WDTC1: variants seen among roughly 807,000 people sequenced by gnomAD.
WDTC1 encodes the protein WD and tetratricopeptide repeats protein 1.
In WDTC1, 12 loss-of-function variants were observed where a neutral mutation model predicts 76.0. The observed-to-expected ratio is 0.16, with a 90% CI of 0.10 to 0.26. WDTC1 has a LOEUF of 0.26. Among genes scored for constraint, WDTC1 ranks in the 10% least tolerant of loss-of-function variants. The probability of loss-of-function intolerance (pLI) is 1.00; values close to 1 mark genes in which losing one functional copy is unlikely to be tolerated. For missense variants in WDTC1, 511 were observed against 908.8 expected (o/e 0.56, Z 5.63); for synonymous variants, 326 against 350.8 (o/e 0.93, Z 0.79).
intron 1 of WDTC1, among the ~76,000 whole-genome samples, chr1:27,256,893 ACT>A (rs1320007699): frequency 6.6e-6 from 1 of 151,984 alleles, no homozygotes; most frequent in Admixed American, 6.6e-5. Context: ...ATGGAGTCTC[ACT>A]CTGTTGCCCA....
In WDTC1 at chr1:27,308,088, T is replaced by TCCTGCTTCCCACCCCCTGC. The variant is rs2014000813; in HGVS notation, c.*1707_*1725dup. On this transcript the variant is annotated 3_prime_UTR_variant, in exon 16 of 16. Coordinates refer to ENST00000319394, the MANE Select transcript of WDTC1 (RefSeq NM_001276252.2). ...TCCCACCCTCCCTCCCTGCCCCCTG[T>TCCTGCTTCCCACCCCCTGC]CCTGCTTCCCACCCCCTGCCTGCCC... 1.4e-5 allele frequency: 2 copies of TCCTGCTTCCCACCCCCTGC among 145,960 alleles called. No homozygotes were observed. The highest frequency in any genetic ancestry group is 1.5e-5 in the Non-Finnish European group (1 of 65,960). 9.0% of individuals were successfully genotyped at this position (145,960 alleles called of 1,614,324 possible). A position where few individuals can be genotyped will look rare whatever the true frequency, so the allele number is the denominator to read the frequency against.
intron 1 of WDTC1, among the ~76,000 whole-genome samples, chr1:27,247,203 C>G (rs541566033): frequency 1.5e-4 from 23 of 151,634 alleles, no homozygotes; most frequent in African/African-American, 3.4e-4. Flanking sequence ...ATTACAGGTG[C>G]CTGCCACCAC....
chr1:27,286,531 G>A (rs1412204741), intron 5 of WDTC1, among the ~76,000 whole-genome samples: 7 of 145,084 alleles, frequency 4.8e-5, no homozygotes, highest in East Asian at 2.1e-4. Context: ...GTGCAGTGGC[G>A]TGATCTCAGC....
At chr1:27,248,841 A>G (rs962781741) in intron 1 of WDTC1, among the ~76,000 whole-genome samples, 2 of 151,824 alleles carry the variant, frequency 1.3e-5, no homozygotes, top group Non-Finnish European at 2.9e-5. Context: ...AACTTTTTTT[A>G]GAGACAGGGT....
intron 3 of WDTC1, among the ~76,000 whole-genome samples, chr1:27,277,522 CTT>C (rs1372089789): frequency 6.6e-6 from 1 of 151,932 alleles, no homozygotes; most frequent in East Asian, 1.9e-4. Flanking sequence ...GTCTCAAACT[CTT>C]AGTCTCAAGT....
intron 6 of WDTC1, 81 bp downstream of exon 6, chr1:27,287,942 CT>C: frequency 6.7e-7 from 1 of 1,497,142 alleles, no homozygotes; most frequent in Non-Finnish European, 9.0e-7. Context: ...AGACCTAGCT[CT>C]TTCCCTCCAG....
rs1265011107 is a variant in WDTC1 at position 27,283,372 on chromosome 1, A to G, written c.214A>G (p.Ile72Val). ...LASGSDDQHT[I>V]VWDPLHHKKL... ...CTCTGGTTCCGATGACCAGCACACG[A>G]TTGTGTGGGACCCGCTGCACCACAA... is the stretch of plus-strand genomic sequence containing the variant. Residue 72 changes from isoleucine (I) to valine (V), a missense_variant, in exon 5 of 16, where the codon ATT (isoleucine) becomes GTT (valine). Physicochemically the swap from Ile to Val is conservative, Grantham distance 29. Transcript: ENST00000319394. 2 of 1,613,766 alleles carry G rather than the reference A, an allele frequency of 1.2e-6. No homozygotes were observed. The highest frequency in any genetic ancestry group is 1.7e-6 in the Non-Finnish European group (2 of 1,179,996).
At chr1:27,247,907 G>A (rs944939471) in intron 1 of WDTC1, among the ~76,000 whole-genome samples, 12 of 152,070 alleles carry the variant, frequency 7.9e-5, no homozygotes, top group African/African-American at 2.7e-4. Context: ...TAGTAGAGAC[G>A]GGGTTTCTCC....
chr1:27,289,350 C>T lies in WDTC1; in HGVS notation c.479+1489C>T, dbSNP rs547465633. 4.7e-5 allele frequency among the ~76,000 whole-genome samples: 7 copies of T among 147,586 alleles called. No individual in the cohort carries two copies. The South Asian group carries it at 8.7e-4, about 18-fold the overall frequency. On this transcript the variant is annotated intron_variant, in intron 6 of 15. Coordinates refer to ENST00000319394, the MANE Select transcript of WDTC1 (RefSeq NM_001276252.2). ...GGGTCTCCTCACTTCTCAGACGGGG[C>T]GGCTGGGCAGAGACGCTCTTCACCT...
In WDTC1 at chr1:27,284,511, G is replaced by A. The variant is rs186837028; in HGVS notation, c.291+1062G>A. Among the ~76,000 whole-genome samples, 107 of 152,118 alleles carry A rather than the reference G, an allele frequency of 7.0e-4. 1 individual carries two copies. The highest frequency in any genetic ancestry group is 2.4e-3 in the African/African-American group (98 of 41,494). On this transcript the variant is annotated intron_variant, in intron 5 of 15. Coordinates refer to ENST00000319394, the MANE Select transcript of WDTC1 (RefSeq NM_001276252.2). ...TTTTTCTTCTCAAGCTATGATTCTC[G>A]CCTTTAGAGACAGAACAATGATGAT...
At position 27,241,173 on chromosome 1, in the gene WDTC1, G is replaced by A. The variant is rs1570934076; in HGVS notation, c.-100+6222G>A. 2.0e-5 allele frequency among the ~76,000 whole-genome samples: 3 copies of A among 152,200 alleles called. 1 individual carries two copies. The South Asian group carries it at 6.2e-4, about 32-fold the overall frequency. On this transcript the variant is annotated intron_variant, in intron 1 of 15. Transcript: ENST00000319394. ...ATACAAGGTCACAACTGCTAGAGCT[G>A]TAACAGAGCTCAGTGCCAAGAATAA...
At chr1:27,240,986 A>T (rs2011615069) in intron 1 of WDTC1, among the ~76,000 whole-genome samples, 1 of 151,524 alleles carries the variant, frequency 6.6e-6, no homozygotes, top group Non-Finnish European at 1.5e-5. Flanking sequence ...AAAAAAAAAC[A>T]AAAAAACTTT....
chr1:27,284,101 T>A (rs1205768996), intron 5 of WDTC1, among the ~76,000 whole-genome samples: 1 of 152,068 alleles, frequency 6.6e-6, no homozygotes, highest in Admixed American at 6.6e-5. Flanking sequence ...ATGAGACATG[T>A]TTTTTTGTTG....
chr1:27,277,224 C>T (rs1007507901), intron 3 of WDTC1, among the ~76,000 whole-genome samples: 1 of 151,924 alleles, frequency 6.6e-6, no homozygotes, highest in Non-Finnish European at 1.5e-5. Flanking sequence ...GTTGCTGGTG[C>T]TTTTGGTGTT....
chr1:27,253,411 T>TCCCCTCCTCCTCCTCCCTCCTC (rs1267912526), intron 1 of WDTC1, among the ~76,000 whole-genome samples: 1 of 40,092 alleles, frequency 2.5e-5, no homozygotes, highest in East Asian at 1.1e-3. Flanking sequence ...CCCCCTCCCC[T>TCCCCTCCTCCTCCTCCCTCCTC]CCTCCTCCTC....
Position 27,234,654 on chromosome 1 carries a change from C to G in WDTC1, c.-397C>G. 2.5e-6 allele frequency: 1 copy of G among 396,008 alleles called. No individual in the cohort carries two copies. The highest frequency in any genetic ancestry group is 4.5e-6 in the Non-Finnish European group (1 of 224,528). 24.5% of individuals were successfully genotyped at this position (396,008 alleles called of 1,614,324 possible). On this transcript the variant is annotated 5_prime_UTR_variant, in exon 1 of 16. Transcript: ENST00000319394. Reference sequence around the variant, plus strand: ...GCTGGGCTTCTCCTGGGTCCCCAGACAGCTGGAGGAGATAAACAGAGGAGG... The same window carrying G: ...GCTGGGCTTCTCCTGGGTCCCCAGAGAGCTGGAGGAGATAAACAGAGGAGG...
chr1:27,287,796 G>A lies in WDTC1; in HGVS notation c.414G>A (p.Lys138=), dbSNP rs956067397. ...TTGGAGACCACACAAACCGGGTGAAGCGCATCGCCACAGCGCCCATGTGGC... is the reference window on the plus strand; with the variant it reads ...TTGGAGACCACACAAACCGGGTGAAACGCATCGCCACAGCGCCCATGTGGC... ...HMFGDHTNRV[K]RIATAPMWPN... is the part of the protein sequence containing the mutation. Residue 138 remains lysine (K), a synonymous_variant, in exon 6 of 16, where the codon AAG becomes AAA. Transcript: ENST00000319394. 1.2e-6 allele frequency: 2 copies of A among 1,613,958 alleles called. No homozygotes were observed. Among genetic ancestry groups the A allele is most frequent in the African/African-American group, 1.3e-5 (1 of 74,922 alleles).
intron 6 of WDTC1, among the ~76,000 whole-genome samples, chr1:27,289,288 G>A (rs886777953): frequency 2.0e-5 from 3 of 149,772 alleles, no homozygotes; most frequent in Admixed American, 6.6e-5. Context: ...GGGCAGAGGG[G>A]CTCCTCAGTT....
At chr1:27,245,427 ATCT>A (rs929297312) in intron 1 of WDTC1, among the ~76,000 whole-genome samples, 3 of 151,762 alleles carry the variant, frequency 2.0e-5, no homozygotes, top group South Asian at 2.1e-4. Flanking sequence ...CATGCTTTTA[ATCT>A]TCTAAGAAAG....
Sources: gnomAD v4.1 joint callset for allele counts (sites outside exome capture counted in the v4.1 genomes callset) on GRCh38, gnomAD v4.1.1 for gene constraint, MANE v1.5 for transcripts, NCBI Gene and HGNC (gene_info 2026-07-23, HGNC 2026-07-21) for gene names.